The following BORCS8 variants were observed in gnomAD, a reference collection of about 807,000 sequenced individuals.
BORCS8 encodes the protein BLOC-1 related complex subunit 8, also known as BLOC-1-related complex subunit 8.
A neutral mutation model predicts 18.7 loss-of-function variants in BORCS8; 13 were observed. The observed-to-expected ratio is 0.70, with a 90% CI of 0.45 to 1.11. The LOEUF (loss-of-function observed/expected upper bound fraction) is 1.11, where lower values mean the gene tolerates loss of function less well. Among genes scored for constraint, BORCS8 ranks in the 50% least tolerant of loss-of-function variants. BORCS8 has a pLI of 0.00. For missense variants in BORCS8, 165 were observed against 165.7 expected, an observed-to-expected ratio of 1.00 and a Z score of 0.02; for synonymous variants, 68 against 64.8, an observed-to-expected ratio of 1.05 and a Z score of -0.24.
chr19:19,186,323 TTAGA>T (rs2060408529), intron 2 of BORCS8, among the ~76,000 whole-genome samples: 1 of 152,210 alleles, frequency 6.6e-6, no homozygotes, highest in Non-Finnish European at 1.5e-5. Context: ...CATCCTTCCC[TTAGA>T]TAGTCAGACG....
chr19:19,187,055 G>T, intron 1 of BORCS8, 50 bp from the exon 2 acceptor site: 1 of 1,406,280 alleles, frequency 7.1e-7, no homozygotes. Flanking sequence ...CAAAGCGTCA[G>T]CCTCCTCATT....
At chr19:19,191,996 C>A in intron 1 of BORCS8, 85 bp downstream of exon 1, 1 of 1,505,040 alleles carries the variant, frequency 6.6e-7, no homozygotes. Context: ...CTGCTCCTCG[C>A]ACGGTCCCTC....
At chr19:19,183,824 C>A (rs891701528) in intron 3 of BORCS8, among the ~76,000 whole-genome samples, 2 of 151,694 alleles carry the variant, frequency 1.3e-5, no homozygotes, top group African/African-American at 4.8e-5. Flanking sequence ...CCTGCCTCGG[C>A]CTCCAAAAGT....
Position 19,182,340 on chromosome 19 carries a change from C to T in BORCS8, c.326+233G>A, listed in dbSNP as rs2060357243. ...GTGAGCCTGTCTGTCTCGGTCACTG[C>T]TATGTCCCCAGTGCCCAGCCCAGGG... On this transcript the variant is annotated intron_variant, in intron 4 of 5. Coordinates refer to ENST00000462790, the MANE Select transcript of BORCS8 (RefSeq NM_001145784.2). This position sits in a 1 kb window ranked among gnomAD's most constrained non-coding sequence, Gnocchi z 4.1. The T allele has an allele frequency of 1.8e-5, 20 of 1,133,150 alleles. No individual in the cohort carries two copies. The highest frequency in any genetic ancestry group is 2.3e-5 in the Non-Finnish European group (20 of 859,982). 70.2% of individuals were successfully genotyped at this position (1,133,150 alleles called of 1,614,324 possible).
At chr19:19,178,249 G>A (rs1833029619) in intron 5 of BORCS8, 1 of 152,352 alleles carries the variant, frequency 6.6e-6, no homozygotes, top group African/African-American at 2.4e-5. Context: ...GCCACTTCTG[G>A]ACTTCTGGGA....
intron 2 of BORCS8, among the ~76,000 whole-genome samples, chr19:19,186,691 T>C (rs1207260196): frequency 5.9e-5 from 9 of 152,242 alleles, no homozygotes; most frequent in East Asian, 1.9e-4. Flanking sequence ...AACCTCTTTA[T>C]AAATTACCCA....
At position 19,188,016 on chromosome 19, in the gene BORCS8, C is replaced by CATTTATTT. The variant is rs138094517; in HGVS notation, c.38-1019_38-1012dup. 6.5e-3 allele frequency among the ~76,000 whole-genome samples: 977 copies of CATTTATTT among 150,644 alleles called. 17 individuals are homozygous for CATTTATTT. Among genetic ancestry groups the CATTTATTT allele is most frequent in the African/African-American group, 0.022 (902 of 40,680 alleles). ...AACCACCATGCCTGGCTAGTTTTTT[C>CATTTATTT]ATTTATTTATTTATTTATTTATTAT... is the stretch of plus-strand genomic sequence containing the variant. On this transcript the variant is annotated intron_variant, in intron 1 of 5. Transcript: ENST00000462790.
At chr19:19,179,481 A>T (rs1219775223) in intron 5 of BORCS8, 2 of 152,672 alleles carry the variant, frequency 1.3e-5, no homozygotes, top group African/African-American at 2.4e-5. Context: ...CTGACTGCAC[A>T]CATGAATTCG....
At chr19:19,191,563 CAAATATCAG>C (rs1413612628) in intron 1 of BORCS8, among the ~76,000 whole-genome samples, 1 of 148,738 alleles carries the variant, frequency 6.7e-6, no homozygotes, top group South Asian at 2.1e-4. Context: ...CAATGCATTA[CAAATATCAG>C]GTTGTTGAGT....
At position 19,182,197 on chromosome 19, in the gene BORCS8, A is replaced by G. The variant is rs1230780929; in HGVS notation, c.326+376T>C. The G allele has an allele frequency of 2.4e-6, 1 of 423,836 alleles. No homozygotes were observed. Among genetic ancestry groups the G allele is most frequent in the Non-Finnish European group, 3.2e-6 (1 of 312,368 alleles). The allele number at this position is 423,836 out of a possible 1,614,324, so 26.3% of individuals were successfully genotyped here. ...CACATGGAACTCCGTCTGCCCCCGG[A>G]TCGTCTCTGTCTGCATGTAACTCAT... On this transcript the variant is annotated intron_variant, in intron 4 of 5. Coordinates refer to ENST00000462790, the MANE Select transcript of BORCS8 (RefSeq NM_001145784.2). This position sits in a 1 kb window ranked among gnomAD's most constrained non-coding sequence, Gnocchi z 4.1.
chr19:19,182,492 G>A lies in BORCS8; in HGVS notation c.326+81C>T. The A allele has an allele frequency of 6.7e-7, 1 of 1,495,770 alleles. No individual in the cohort carries two copies. Among genetic ancestry groups the A allele is most frequent in the Non-Finnish European group, 8.9e-7 (1 of 1,123,014 alleles). The allele number at this position is 1,495,770 out of a possible 1,614,324, so 92.7% of individuals were successfully genotyped here. On this transcript the variant is annotated intron_variant, in intron 4 of 5. Coordinates refer to ENST00000462790, the MANE Select transcript of BORCS8 (RefSeq NM_001145784.2). The surrounding 1 kb of genome is among the most constrained non-coding windows in gnomAD (Gnocchi z 4.1). ...AAAGAGACAGTTTTCTAATAAGCGA[G>A]AAGCAGCGGTTCCCAGCGCAGCTGA...
chr19:19,181,024 G>A (rs751467930), intron 4 of BORCS8, among the ~76,000 whole-genome samples: 13 of 151,232 alleles, frequency 8.6e-5, no homozygotes, highest in Middle Eastern at 3.4e-3. Flanking sequence ...GCGAAACCCC[G>A]TCTCTACTAA....
At chr19:19,191,643 T>C (rs1178600798) in intron 1 of BORCS8, among the ~76,000 whole-genome samples, 1 of 152,040 alleles carries the variant, frequency 6.6e-6, no homozygotes, top group East Asian at 1.9e-4. Flanking sequence ...GGCACGACCG[T>C]AGCCCACTGC....
chr19:19,188,149 C>T (rs967320762), intron 1 of BORCS8, among the ~76,000 whole-genome samples: 1 of 152,084 alleles, frequency 6.6e-6, no homozygotes, highest in African/African-American at 2.4e-5. Flanking sequence ...CCCGGCTCAG[C>T]CTCCCGCGTA....
intron 5 of BORCS8, chr19:19,177,696 G>GGAAGGGAGAGAAA (rs1376064847): frequency 1.3e-5 from 1 of 74,650 alleles, no homozygotes; most frequent in Non-Finnish European, 2.7e-5. Flanking sequence ...AAGGAAGGAA[G>GGAAGGGAGAGAAA]AGAAAAGAAA....
intron 3 of BORCS8, among the ~76,000 whole-genome samples, chr19:19,184,426 C>T (rs960379362): frequency 1.3e-5 from 2 of 151,440 alleles, no homozygotes; most frequent in African/African-American, 4.9e-5. Context: ...CTGCCTCAGC[C>T]TCCCACGTAG....
chr19:19,191,972 C>T, intron 1 of BORCS8, 109 bp downstream of exon 1: 3 of 1,317,964 alleles, frequency 2.3e-6, no homozygotes, highest in East Asian at 2.5e-5. Flanking sequence ...TGGGATTGGA[C>T]GGCAGTTCAA....
At chr19:19,188,820 G>T (rs556036904) in intron 1 of BORCS8, among the ~76,000 whole-genome samples, 6 of 151,718 alleles carry the variant, frequency 4.0e-5, no homozygotes, top group Non-Finnish European at 8.8e-5. Context: ...CCCTGCAGGT[G>T]TCTCCTGATG....
At chr19:19,180,958 G>T (rs1401519375) in intron 4 of BORCS8, among the ~76,000 whole-genome samples, 197 bp from the exon 5 acceptor site, 1 of 152,196 alleles carries the variant, frequency 6.6e-6, no homozygotes, top group Non-Finnish European at 1.5e-5. Context: ...ACTTTGGGAG[G>T]CTGAGGTGGG....
Sources: allele counts gnomAD v4.1 joint callset (sites outside exome capture counted in the v4.1 genomes callset), GRCh38; gene constraint gnomAD v4.1.1; non-coding constraint Gnocchi (gnomAD v3.1); transcripts MANE v1.5; gene names NCBI Gene and HGNC (gene_info 2026-07-23, HGNC 2026-07-21).